The following ATP1B3 variants were observed in gnomAD, a reference collection of about 807,000 sequenced individuals.
ATP1B3 encodes the protein ATPase Na+/K+ transporting subunit beta 3, also known as sodium/potassium-transporting ATPase subunit beta-3.
Under a neutral mutation model 30.2 loss-of-function variants are expected in ATP1B3, and 10 were observed. The ratio of observed to expected loss-of-function variants is 0.33; its 90% CI spans 0.20 to 0.56. The LOEUF (loss-of-function observed/expected upper bound fraction) is 0.56. Among genes scored for constraint, ATP1B3 ranks in the 20% least tolerant of loss-of-function variants. ATP1B3 has a pLI of 0.90. For missense variants in ATP1B3, 238 were observed against 336.7 expected, an observed-to-expected ratio of 0.71 and a Z score of 2.29; for synonymous variants, 113 against 117.0, an observed-to-expected ratio of 0.97 and a Z score of 0.22.
At chr3:141,919,481 T>C (rs1934527459) in intron 5 of ATP1B3, among the ~76,000 whole-genome samples, 1 of 152,224 alleles carries the variant, frequency 6.6e-6, no homozygotes, top group African/African-American at 2.4e-5. Flanking sequence ...TTCATATTTA[T>C]GTCATTTTTT....
At chr3:141,917,775 T>A (rs910885901) in intron 5 of ATP1B3, among the ~76,000 whole-genome samples, 7 of 151,436 alleles carry the variant, frequency 4.6e-5, no homozygotes, top group African/African-American at 1.7e-4. Flanking sequence ...TATTTTATTT[T>A]TTTTTTTTTG....
intron 1 of ATP1B3, among the ~76,000 whole-genome samples, chr3:141,901,952 A>T (rs1278743394): frequency 6.6e-6 from 1 of 152,168 alleles, no homozygotes; most frequent in Admixed American, 6.6e-5. Flanking sequence ...CACTCATTAC[A>T]TTTAAGTTTC....
At chr3:141,920,942 A>C (rs1576401678) in intron 5 of ATP1B3, among the ~76,000 whole-genome samples, 1 of 151,876 alleles carries the variant, frequency 6.6e-6, no homozygotes, top group Admixed American at 6.6e-5. Context: ...TCTGTCTCTC[A>C]CCCCACCCCA....
intron 1 of ATP1B3, among the ~76,000 whole-genome samples, chr3:141,898,647 TA>T (rs1249652213): frequency 1.3e-5 from 2 of 152,194 alleles, no homozygotes; most frequent in Non-Finnish European, 2.9e-5. Flanking sequence ...TGTAGGAGTG[TA>T]AAATGGTGAA....
At position 141,903,739 on chromosome 3, in the gene ATP1B3, C is replaced by T; in HGVS notation, c.229C>T (p.Pro77Ser). 1 of 1,613,760 alleles carries T rather than the reference C, an allele frequency of 6.2e-7. No homozygotes were observed. Among genetic ancestry groups the T allele is most frequent in the Non-Finnish European group, 8.5e-7 (1 of 1,179,826 alleles). Residue 77 changes from proline to serine, a missense_variant, in exon 2 of 7, where the codon CCT becomes TCT. Pro to Ser is a moderately conservative substitution (Grantham distance 74). Transcript: ENST00000286371. Reference sequence around the variant, plus strand: ...GGTTCCAAAATACCGTGACCAGATTCCTAGCCCAGGTAATTATCTTGCAGT... The same window carrying T: ...GGTTCCAAAATACCGTGACCAGATTTCTAGCCCAGGTAATTATCTTGCAGT... ...DEVPKYRDQI[P>S]SPGLMVFPKP... is the part of the protein sequence containing the mutation.
intron 1 of ATP1B3, among the ~76,000 whole-genome samples, chr3:141,881,815 G>A (rs1409100689): frequency 1.3e-5 from 2 of 152,174 alleles, no homozygotes; most frequent in East Asian, 3.8e-4. Context: ...CTTACCCTGT[G>A]TGCAGGCTAT....
chr3:141,894,770 G>A lies in ATP1B3; in HGVS notation c.110-8850G>A, dbSNP rs1240703682. On this transcript the variant is annotated intron_variant, in intron 1 of 6. Coordinates refer to ENST00000286371, the MANE Select transcript of ATP1B3 (RefSeq NM_001679.4). ...TCTTCTGGATACCTCCTGAAGGATT[G>A]CCTGAGGCTTTTTACAGTTAACTTT... 4.6e-5 allele frequency among the ~76,000 whole-genome samples: 7 copies of A among 152,166 alleles called. No homozygotes were observed. The East Asian group carries it at 1.3e-3, about 29-fold the overall frequency.
rs1553743809 is a variant in ATP1B3 at position 141,889,754 on chromosome 3, T to TATAC, written c.109+12846_109+12849dup. ...AAAAAAAAAAAAAAAAAAAAAAATATATACACACACACACACACACACACA... is the reference window on the plus strand; with the variant it reads ...AAAAAAAAAAAAAAAAAAAAAAATATATACATACACACACACACACACACACACA... On this transcript the variant is annotated intron_variant, in intron 1 of 6. Coordinates refer to ENST00000286371, the MANE Select transcript of ATP1B3 (RefSeq NM_001679.4). 6.1e-4 allele frequency among the ~76,000 whole-genome samples: 46 copies of TATAC among 75,020 alleles called. 3 individuals are homozygous for TATAC. The highest frequency in any genetic ancestry group is 3.2e-3 in the African/African-American group (45 of 14,214). The allele number at this position is 75,020 out of a possible 152,430, so 49.2% of individuals were successfully genotyped here. A position where few individuals can be genotyped will look rare whatever the true frequency, so the allele number is the denominator to read the frequency against.
intron 3 of ATP1B3, 152 bp downstream of exon 3, chr3:141,907,426 ACCTGGCCAACATGGTGAAACC>A (rs928306926): frequency 5.9e-5 from 30 of 504,298 alleles, no homozygotes; most frequent in South Asian, 2.7e-4. Flanking sequence ...CAGGTCTTGG[ACCTGGCCAACATGGTGAAACC>A]CCTGGCCAAC....
chr3:141,904,397 T>A (rs554351549), intron 2 of ATP1B3, among the ~76,000 whole-genome samples: 2 of 152,158 alleles, frequency 1.3e-5, no homozygotes, highest in South Asian at 2.1e-4. Context: ...GAGTGACTTA[T>A]GAGTATCGTA....
At chr3:141,914,434 G>A (rs1467139759) in intron 4 of ATP1B3, among the ~76,000 whole-genome samples, 1 of 152,206 alleles carries the variant, frequency 6.6e-6, no homozygotes, top group South Asian at 2.1e-4. Context: ...AATGAGCAAA[G>A]GAAGAAGCTA....
At chr3:141,887,471 A>G (rs1933858071) in intron 1 of ATP1B3, among the ~76,000 whole-genome samples, 1 of 152,200 alleles carries the variant, frequency 6.6e-6, no homozygotes, top group East Asian at 1.9e-4. Context: ...TTTAAAAGGT[A>G]ATATGTGGCA....
chr3:141,916,318 C>A, intron 5 of ATP1B3: 1 of 483,244 alleles, frequency 2.1e-6, no homozygotes, highest in East Asian at 6.1e-5. Context: ...ATTGGGATTA[C>A]CCTTGTAATT....
intron 3 of ATP1B3, among the ~76,000 whole-genome samples, chr3:141,911,109 C>G (rs2107775825): frequency 6.6e-6 from 1 of 152,082 alleles, no homozygotes; most frequent in Admixed American, 6.6e-5. Context: ...AGGATGAAGA[C>G]TTAAGTTCTT....
intron 1 of ATP1B3, among the ~76,000 whole-genome samples, chr3:141,893,330 A>C (rs1457698194): frequency 6.6e-6 from 1 of 151,942 alleles, no homozygotes; most frequent in Non-Finnish European, 1.5e-5. Context: ...TGATGTTCTA[A>C]AATTTTACCT....
intron 2 of ATP1B3, among the ~76,000 whole-genome samples, chr3:141,906,651 T>C (rs1576396662): frequency 1.3e-5 from 2 of 152,364 alleles, no homozygotes; most frequent in East Asian, 3.9e-4. Flanking sequence ...AACCACATTT[T>C]AATTACAGAG....
chr3:141,888,403 A>G (rs1240960953), intron 1 of ATP1B3, among the ~76,000 whole-genome samples: 1 of 152,192 alleles, frequency 6.6e-6, no homozygotes, highest in East Asian at 1.9e-4. Context: ...TATAGAAATA[A>G]GTAGGTTCTT....
chr3:141,912,543 G>A (rs1026505998), intron 3 of ATP1B3, among the ~76,000 whole-genome samples: 6 of 152,192 alleles, frequency 3.9e-5, no homozygotes, highest in Non-Finnish European at 7.3e-5. Flanking sequence ...TTACAGGCAT[G>A]AGCCACTGCG....
intron 1 of ATP1B3, among the ~76,000 whole-genome samples, chr3:141,896,587 GTCATT>G (rs1934070501): frequency 6.6e-6 from 1 of 152,086 alleles, no homozygotes; most frequent in Admixed American, 6.5e-5. Context: ...ATAGGAGTGA[GTCATT>G]TATTTTATGT....
Sources: allele counts gnomAD v4.1 joint callset (sites outside exome capture counted in the v4.1 genomes callset), GRCh38; gene constraint gnomAD v4.1.1; transcripts MANE v1.5; gene names NCBI Gene and HGNC (gene_info 2026-07-23, HGNC 2026-07-21).